The following AP1B1 variants were observed in gnomAD, a reference collection of about 807,000 sequenced individuals.
The protein encoded by AP1B1 is adaptor related protein complex 1 subunit beta 1.
AP1B1 carries 36 observed loss-of-function variants against 104.3 expected under a neutral mutation model. The ratio of observed to expected loss-of-function variants is 0.35; its 90% CI spans 0.26 to 0.46. The LOEUF is 0.46. Among genes scored for constraint, AP1B1 ranks in the 20% least tolerant of loss-of-function variants. The pLI, the probability that AP1B1 is intolerant of heterozygous loss-of-function variation, is 1.00. For missense variants in AP1B1, 901 were observed against 1,247.9 expected, an observed-to-expected ratio of 0.72 and a Z score of 4.19; for synonymous variants, 504 against 517.5, an observed-to-expected ratio of 0.97 and a Z score of 0.35.
chr22:29,354,514 TGGTTAAGCTATTCTG>T, intron 7 of AP1B1, 121 bp downstream of exon 7: 2 of 835,870 alleles, frequency 2.4e-6, no homozygotes, highest in Admixed American at 2.6e-5. Flanking sequence ...GCTGCCACTT[TGGTTAAGCTATTCTG>T]GGTTAAGCTA....
chr22:29,332,029 G>T, intron 17 of AP1B1, 113 bp from the exon 18 acceptor site: 1 of 1,124,444 alleles, frequency 8.9e-7, no homozygotes, highest in Non-Finnish European at 1.3e-6. Context: ...GCCTCTCACC[G>T]TGCCAGCCTT....
chr22:29,372,120 G>A (rs1478492314), intron 1 of AP1B1, among the ~76,000 whole-genome samples: 1 of 152,026 alleles, frequency 6.6e-6, no homozygotes, highest in Non-Finnish European at 1.5e-5. Flanking sequence ...TCATTTTTTA[G>A]AATTAAAGAA....
intron 1 of AP1B1, among the ~76,000 whole-genome samples, chr22:29,384,665 C>T (rs775044845): frequency 4.6e-4 from 69 of 151,218 alleles, no homozygotes; most frequent in Admixed American, 1.4e-3. Context: ...GTCAGGAGTT[C>T]GAGACCAGCC....
At position 29,354,495 on chromosome 22, in the gene AP1B1, G is replaced by C. The variant is rs572189352; in HGVS notation, c.938+155C>G. On this transcript the variant is annotated intron_variant, in intron 7 of 22. Coordinates refer to ENST00000357586, the MANE Select transcript of AP1B1 (RefSeq NM_001127.4). Reference sequence around the variant, plus strand: ...CCAGACACCACCAAATATCCCTCAGGGGGGCAAAGCTGCCACTTTGGTTAA... The same window carrying C: ...CCAGACACCACCAAATATCCCTCAGCGGGGCAAAGCTGCCACTTTGGTTAA... Among the ~76,000 whole-genome samples the C allele has an allele frequency of 2.0e-5, 3 of 152,144 alleles. No homozygotes were observed. The East Asian group carries it at 5.8e-4, about 29-fold the overall frequency.
chr22:29,351,955 T>TG, intron 7 of AP1B1, 130 bp from the exon 8 acceptor site: 1 of 1,238,790 alleles, frequency 8.1e-7, no homozygotes, highest in Non-Finnish European at 1.1e-6. Context: ...GCAGAGTCAC[T>TG]GCCATGGCTG....
intron 2 of AP1B1, among the ~76,000 whole-genome samples, chr22:29,365,963 A>G (rs147731384): frequency 3.9e-4 from 60 of 152,256 alleles, no homozygotes; most frequent in Non-Finnish European, 5.1e-4. Flanking sequence ...TCCACTGCAC[A>G]TGGTAGGTTC....
At chr22:29,358,697 AG>A (rs777805966) in intron 5 of AP1B1, 28 bp downstream of exon 5, 28 of 1,598,162 alleles carry the variant, frequency 1.8e-5, no homozygotes, top group Non-Finnish European at 2.1e-5. Context: ...GAGGTGGTGG[AG>A]GTAGCACGGT....
rs1212307587 is a variant in AP1B1, at chr22:29,334,255, G to T, written c.2309+10C>A. On this transcript the variant is annotated intron_variant, in intron 17 of 22. Coordinates refer to ENST00000357586, the MANE Select transcript of AP1B1 (RefSeq NM_001127.4). ...TCTTGAGAGGTGCGCTGGCCTCAGG[G>T]AGCTCTCACCTGTTGCGGTTGAACT... 1 of 1,584,654 alleles carries T rather than the reference G, an allele frequency of 6.3e-7. No individual in the cohort carries two copies. The highest frequency in any genetic ancestry group is 8.6e-7 in the Non-Finnish European group (1 of 1,166,852).
intron 9 of AP1B1, 61 bp downstream of exon 9, chr22:29,351,109 TG>T: frequency 6.7e-7 from 1 of 1,492,150 alleles, no homozygotes; most frequent in Non-Finnish European, 9.2e-7. Flanking sequence ...TGAATCAGAC[TG>T]GTTTCCCGGT....
At chr22:29,381,507 T>C (rs2062436100) in intron 1 of AP1B1, among the ~76,000 whole-genome samples, 3 of 152,202 alleles carry the variant, frequency 2.0e-5, no homozygotes, top group African/African-American at 7.2e-5. Context: ...CAACCTCTGC[T>C]AGAGCAGCTT....
At chr22:29,335,884 G>T (rs1004527762) in intron 16 of AP1B1, among the ~76,000 whole-genome samples, 1 of 152,180 alleles carries the variant, frequency 6.6e-6, no homozygotes, top group Non-Finnish European at 1.5e-5. Context: ...CTGTGCCACG[G>T]CGGCTGAGAG....
intron 21 of AP1B1, 75 bp from the exon 22 acceptor site, chr22:29,329,795 A>AGCCAC: frequency 6.2e-7 from 1 of 1,603,154 alleles, no homozygotes; most frequent in Non-Finnish European, 8.5e-7. Flanking sequence ...CCACCACCGA[A>AGCCAC]GCCACGCCAC....
intron 14 of AP1B1, 76 bp downstream of exon 14, chr22:29,340,580 T>C (rs999069890): frequency 1.4e-6 from 2 of 1,420,644 alleles, no homozygotes; most frequent in African/African-American, 2.9e-5. Flanking sequence ...AGCTGGTGCC[T>C]GGCATGGAGG....
At chr22:29,356,146 C>T (rs917630181) in intron 6 of AP1B1, among the ~76,000 whole-genome samples, 5 of 152,220 alleles carry the variant, frequency 3.3e-5, no homozygotes, top group African/African-American at 9.6e-5. Context: ...GTGGCTCTGG[C>T]GCTACCCACC....
Position 29,341,631 on chromosome 22 carries a change from C to T in AP1B1, c.1666G>A (p.Glu556Lys), listed in dbSNP as rs1207787639. 7 of 1,614,070 alleles carry T rather than the reference C, an allele frequency of 4.3e-6. No homozygotes were observed. Among genetic ancestry groups the T allele is most frequent in the East Asian group, 2.2e-5 (1 of 44,900 alleles). The change falls in exon 13 of 23, where the codon GAG becomes AAG. Residue 556 changes from glutamate to lysine, a missense_variant. Glu to Lys is a moderately conservative substitution (Grantham distance 56). Around this residue, in one of 3 missense-constraint regions of AP1B1, gnomAD observed 471 missense variants for 696.7 expected, o/e 0.68. Coordinates refer to ENST00000357586, the MANE Select transcript of AP1B1 (RefSeq NM_001127.4). ...PLISEETDLI[E>K]PTLLDELICY... is the part of the protein sequence containing the mutation. ...ATAAGCTCGTCTAACAGTGTGGGCT[C>T]GATGAGGTCCGTCTCTTCAGAGATG...
intron 11 of AP1B1, among the ~76,000 whole-genome samples, chr22:29,347,088 G>A (rs895964620): frequency 1.3e-5 from 2 of 152,162 alleles, no homozygotes; most frequent in African/African-American, 4.8e-5. Flanking sequence ...GTGCCATAAG[G>A]ACATAGCCTG....
intron 1 of AP1B1, among the ~76,000 whole-genome samples, chr22:29,374,512 T>C (rs1411089174): frequency 6.6e-6 from 1 of 151,974 alleles, no homozygotes; most frequent in Non-Finnish European, 1.5e-5. Flanking sequence ...TCACAGAAAG[T>C]GAATTAATAT....
chr22:29,351,438 C>T lies in AP1B1; in HGVS notation c.1060-172G>A, dbSNP rs1310571816. 3 of 882,796 alleles carry T rather than the reference C, an allele frequency of 3.4e-6. No homozygotes were observed. In the East Asian group the frequency reaches 7.9e-5, roughly 23 times the overall value. 54.7% of individuals were successfully genotyped at this position (882,796 alleles called of 1,614,324 possible). ...CAGGTGCCTGAAAAGGAAAGAAGGC[C>T]TGGACAACCTTGTTTGGGGTTGATT... On this transcript the variant is annotated intron_variant, in intron 8 of 22. Coordinates refer to ENST00000357586, the MANE Select transcript of AP1B1 (RefSeq NM_001127.4).
rs545173360 is a variant in AP1B1, at chr22:29,379,939, G to A, written c.-28+8485C>T. ...CAAGGAATTAGAGACACTGAGAGATGAGTGATTTACCTAAGGCCAAAACAA... is the reference window on the plus strand; with the variant it reads ...CAAGGAATTAGAGACACTGAGAGATAAGTGATTTACCTAAGGCCAAAACAA... On this transcript the variant is annotated intron_variant, in intron 1 of 22. Transcript: ENST00000357586. Among the ~76,000 whole-genome samples the A allele has an allele frequency of 2.0e-5, 3 of 152,292 alleles. No homozygotes were observed. The South Asian group carries it at 6.2e-4, about 32-fold the overall frequency.
Sources: gnomAD v4.1 joint callset for allele counts (sites outside exome capture counted in the v4.1 genomes callset) on GRCh38, gnomAD v4.1.1 for gene constraint, gnomAD v4.1.1 regional missense constraint, MANE v1.5 for transcripts, NCBI Gene and HGNC (gene_info 2026-07-23, HGNC 2026-07-21) for gene names.